Variants in JAKMIP1 observed in about 807,000 individuals in gnomAD.
JAKMIP1 encodes janus kinase and microtubule-interacting protein 1.
Under a neutral mutation model 113.0 loss-of-function variants are expected in JAKMIP1, and 33 were observed. The ratio of observed to expected loss-of-function variants is 0.29; its 90% CI spans 0.22 to 0.39. The LOEUF (loss-of-function observed/expected upper bound fraction) is 0.39. Among genes scored for constraint, JAKMIP1 ranks in the 10% least tolerant of loss-of-function variants. The probability of loss-of-function intolerance (pLI) is 1.00; values close to 1 mark genes in which losing one functional copy is unlikely to be tolerated. For synonymous variants in JAKMIP1, 480 were observed against 459.9 expected (o/e 1.04, Z -0.56); for missense variants, 813 against 1,080.5 (o/e 0.75, Z 3.47).
intron 8 of JAKMIP1, among the ~76,000 whole-genome samples, chr4:6,066,831 C>T (rs976586362): frequency 1.2e-4 from 19 of 152,130 alleles, no homozygotes; most frequent in African/African-American, 1.4e-4. Flanking sequence ...AAGTGGTCTG[C>T]GAGGCCCTAC....
chr4:6,153,871 C>T lies in JAKMIP1; in HGVS notation c.-147-40874G>A, dbSNP rs774934441. ...GCTACTGTCACCTAAAATCTCACATCGCAACACTGGTGAGCACTCTCACTG... is the reference window on the plus strand; with the variant it reads ...GCTACTGTCACCTAAAATCTCACATTGCAACACTGGTGAGCACTCTCACTG... On this transcript the variant is annotated intron_variant, in intron 1 of 20. Transcript: ENST00000409021. This position sits in a 1 kb window ranked among gnomAD's most constrained non-coding sequence, Gnocchi z 4.9. Among the ~76,000 whole-genome samples the T allele has an allele frequency of 6.6e-5, 10 of 152,198 alleles. No homozygotes were observed. The highest frequency in any genetic ancestry group is 2.0e-4 in the Admixed American group (3 of 15,280).
chr4:6,106,016 G>C lies in JAKMIP1; in HGVS notation c.130-49C>G. ...CCGGTCAGGGTCAGGGTCAGGGTCA[G>C]GGTCAGGGTCAGGGTCACAGCTGGG... On this transcript the variant is annotated intron_variant, in intron 2 of 20. Transcript: ENST00000409021. The surrounding 1 kb of genome is among the most constrained non-coding windows in gnomAD (Gnocchi z 5.9). 1 of 1,249,044 alleles carries C rather than the reference G, an allele frequency of 8.0e-7. No homozygotes were observed. Among genetic ancestry groups the C allele is most frequent in the Non-Finnish European group, 1.1e-6 (1 of 900,568 alleles). The allele number at this position is 1,249,044 out of a possible 1,614,324, so 77.4% of individuals were successfully genotyped here. A position where few individuals can be genotyped will look rare whatever the true frequency, so the allele number is the denominator to read the frequency against.
At position 6,096,834 on chromosome 4, in the gene JAKMIP1, A is replaced by C. The variant is rs530354916; in HGVS notation, c.624+8639T>G. ...CATGAAATCCATTTATGTTTCACAT[A>C]CACTTATACATATAGCTGAAAGGTA... is the stretch of plus-strand genomic sequence containing the variant. On this transcript the variant is annotated intron_variant, in intron 3 of 20. Coordinates refer to ENST00000409021, the MANE Select transcript of JAKMIP1 (RefSeq NM_001099433.2). Among the ~76,000 whole-genome samples, 3 of 152,364 alleles carry C rather than the reference A, an allele frequency of 2.0e-5. No individual in the cohort carries two copies. The East Asian group carries it at 5.8e-4, about 29-fold the overall frequency.
At chr4:6,169,946 C>T (rs1462030106) in intron 1 of JAKMIP1, among the ~76,000 whole-genome samples, 6 of 151,364 alleles carry the variant, frequency 4.0e-5, no homozygotes, top group African/African-American at 1.5e-4. Flanking sequence ...GATACTACCA[C>T]TACCATCACT....
At chr4:6,046,524 C>A (rs1715016037) in intron 16 of JAKMIP1, among the ~76,000 whole-genome samples, 1 of 150,784 alleles carries the variant, frequency 6.6e-6, no homozygotes. Context: ...ACGTAGGGCA[C>A]AAGGCACAGC....
In JAKMIP1 at chr4:6,178,930, G is replaced by A. The variant is rs114305113; in HGVS notation, c.-148+21323C>T. 3.7e-3 allele frequency among the ~76,000 whole-genome samples: 556 copies of A among 152,242 alleles called. 2 individuals carry two copies. The highest frequency in any genetic ancestry group is 5.8e-3 in the Non-Finnish European group (395 of 68,024). On this transcript the variant is annotated intron_variant, in intron 1 of 20. Coordinates refer to ENST00000409021, the MANE Select transcript of JAKMIP1 (RefSeq NM_001099433.2). The surrounding 1 kb of genome is among the most constrained non-coding windows in gnomAD (Gnocchi z 5.5). ...CCTGCCCCGGCACAGTGCCTGGCTC[G>A]GAGAGCACACTCGGTCATTCATTTA... is the stretch of plus-strand genomic sequence containing the variant.
chr4:6,149,080 G>A (rs1437735269), intron 1 of JAKMIP1, among the ~76,000 whole-genome samples: 1 of 152,220 alleles, frequency 6.6e-6, no homozygotes, highest in Non-Finnish European at 1.5e-5. Flanking sequence ...GGAAACAGTG[G>A]CCGGGTTTGC....
intron 1 of JAKMIP1, among the ~76,000 whole-genome samples, chr4:6,172,478 ACCC>A (rs918223165): frequency 4.6e-5 from 7 of 152,022 alleles, no homozygotes; most frequent in Non-Finnish European, 1.0e-4. Context: ...TCTTCCAGTT[ACCC>A]CCGAGAACCC....
rs1296477712 is a variant in JAKMIP1 at position 6,178,008 on chromosome 4, T to A, written c.-148+22245A>T. ...CCGGCTTCACTTCCGGCTGCAGGCTTTTAAAGTCAAACATGACTCCTCCCT... is the reference window on the plus strand; with the variant it reads ...CCGGCTTCACTTCCGGCTGCAGGCTATTAAAGTCAAACATGACTCCTCCCT... On this transcript the variant is annotated intron_variant, in intron 1 of 20. Transcript: ENST00000409021. This position sits in a 1 kb window ranked among gnomAD's most constrained non-coding sequence, Gnocchi z 5.5. Among the ~76,000 whole-genome samples, 1 of 152,172 alleles carries A rather than the reference T, an allele frequency of 6.6e-6. No individual in the cohort carries two copies. Among genetic ancestry groups the A allele is most frequent in the Non-Finnish European group, 1.5e-5 (1 of 68,028 alleles).
intron 19 of JAKMIP1, among the ~76,000 whole-genome samples, chr4:6,033,819 C>G (rs1325174213): frequency 6.6e-6 from 1 of 152,172 alleles, no homozygotes; most frequent in African/African-American, 2.4e-5. Context: ...TTTTGCAATA[C>G]TCTTTTGAAA....
At position 6,154,861 on chromosome 4, in the gene JAKMIP1, C is replaced by T. The variant is rs916023177; in HGVS notation, c.-147-41864G>A. On this transcript the variant is annotated intron_variant, in intron 1 of 20. Transcript: ENST00000409021. The surrounding 1 kb of genome is among the most constrained non-coding windows in gnomAD (Gnocchi z 4.2). ...GAAGCTCCTATTCATTCCTCGAAGG[C>T]CTATTCATCCATCGCCTCCCACAGG... Among the ~76,000 whole-genome samples the T allele has an allele frequency of 6.6e-6, 1 of 152,114 alleles. No individual in the cohort carries two copies. The highest frequency in any genetic ancestry group is 2.1e-4 in the South Asian group (1 of 4,810).
At position 6,192,274 on chromosome 4, in the gene JAKMIP1, G is replaced by A. The variant is rs1727360763; in HGVS notation, c.-148+7979C>T. On this transcript the variant is annotated intron_variant, in intron 1 of 20. Coordinates refer to ENST00000409021, the MANE Select transcript of JAKMIP1 (RefSeq NM_001099433.2). This position sits in a 1 kb window ranked among gnomAD's most constrained non-coding sequence, Gnocchi z 5.0. ...TCACAGTCCATCTCAGTCCACAGGA[G>A]CCGCATTGCAGTGCTCAATAGCCCC... 6.6e-6 allele frequency among the ~76,000 whole-genome samples: 1 copy of A among 152,162 alleles called. No homozygotes were observed. Among genetic ancestry groups the A allele is most frequent in the Non-Finnish European group, 1.5e-5 (1 of 68,042 alleles).
intron 1 of JAKMIP1, among the ~76,000 whole-genome samples, chr4:6,149,497 A>G (rs1721298088): frequency 6.6e-6 from 1 of 152,198 alleles, no homozygotes; most frequent in African/African-American, 2.4e-5. Context: ...AGCGAGTAAG[A>G]AATACTGAAT....
At chr4:6,131,377 A>AAC (rs201935957) in intron 1 of JAKMIP1, among the ~76,000 whole-genome samples, 93 of 151,730 alleles carry the variant, frequency 6.1e-4, no homozygotes, top group African/African-American at 2.1e-3. Context: ...AAAAAAAAAA[A>AAC]AAAACAAAAC....
chr4:6,037,055 T>C (rs1713574747), intron 18 of JAKMIP1, among the ~76,000 whole-genome samples: 1 of 145,774 alleles, frequency 6.9e-6, no homozygotes, highest in Non-Finnish European at 1.5e-5. Flanking sequence ...CCGGTATCCC[T>C]CCATCACTGA....
intron 19 of JAKMIP1, among the ~76,000 whole-genome samples, chr4:6,032,825 T>G (rs1345873493): frequency 6.6e-6 from 1 of 152,188 alleles, no homozygotes; most frequent in African/African-American, 2.4e-5. Flanking sequence ...GACTTTGTAC[T>G]CTGGGCACCA....
Position 6,044,736 on chromosome 4 carries a change from A to G in JAKMIP1, c.2029-2509T>C, listed in dbSNP as rs1206350288. Among the ~76,000 whole-genome samples, 3 of 152,248 alleles carry G rather than the reference A, an allele frequency of 2.0e-5. No individual in the cohort carries two copies. Among genetic ancestry groups the G allele is most frequent in the Non-Finnish European group, 2.9e-5 (2 of 68,042 alleles). ...TTGCTGCTGTCGTTTAAAAAATTGC[A>G]TATAAAAAATAAATTCAACAAGACC... is the stretch of plus-strand genomic sequence containing the variant. On this transcript the variant is annotated intron_variant, in intron 16 of 20. Transcript: ENST00000409021. This position sits in a 1 kb window ranked among gnomAD's most constrained non-coding sequence, Gnocchi z 4.4.
At chr4:6,029,932 G>A (rs1405955517) in intron 19 of JAKMIP1, among the ~76,000 whole-genome samples, 151 bp from the exon 20 acceptor site, 1 of 152,136 alleles carries the variant, frequency 6.6e-6, no homozygotes, top group Non-Finnish European at 1.5e-5. Flanking sequence ...ACAAGCCCAT[G>A]TCACCACCGC....
chr4:6,098,664 A>AGAAAGAG lies in JAKMIP1; in HGVS notation c.624+6808_624+6809insCTCTTTC, dbSNP rs1712362727. On this transcript the variant is annotated intron_variant, in intron 3 of 20. Transcript: ENST00000409021. ...AGAAAGAAAGGAAAGGAAAGGAAGA[A>AGAAAGAG]AGAGAGAGAAAGAAAGAAAGAAAGA... Among the ~76,000 whole-genome samples the AGAAAGAG allele has an allele frequency of 3.2e-5, 4 of 126,192 alleles. 1 individual carries two copies. Among genetic ancestry groups the AGAAAGAG allele is most frequent in the Admixed American group, 8.3e-5 (1 of 11,990 alleles). The allele number at this position is 126,192 out of a possible 152,430, so 82.8% of individuals were successfully genotyped here. A position where few individuals can be genotyped will look rare whatever the true frequency, so the allele number is the denominator to read the frequency against.
Sources: allele counts gnomAD v4.1 joint callset (sites outside exome capture counted in the v4.1 genomes callset), GRCh38; gene constraint gnomAD v4.1.1; non-coding constraint Gnocchi (gnomAD v3.1); transcripts MANE v1.5; gene names NCBI Gene and HGNC (gene_info 2026-07-23, HGNC 2026-07-21).